Variants in ALDH1A2 observed in about 807,000 individuals in gnomAD.
ALDH1A2 encodes retinal dehydrogenase 2.
ALDH1A2 carries 27 observed loss-of-function variants against 60.3 expected under a neutral mutation model. That is an observed-to-expected ratio of 0.45 (90% CI 0.33 to 0.62). ALDH1A2 has a LOEUF of 0.62. ALDH1A2 is among the 20% of genes least tolerant of loss of function. The pLI is 0.02. For synonymous variants in ALDH1A2, 289 were observed against 232.4 expected (o/e 1.24, Z -2.21); for missense variants, 581 against 643.8 (o/e 0.90, Z 1.06).
chr15:58,014,181 T>C lies in ALDH1A2; in HGVS notation c.218A>G (p.Asp73Gly), dbSNP rs1448452625. The change falls in exon 2 of 13, where the codon GAC (aspartate) becomes GGC (glycine). Residue 73 changes from aspartate (D) to glycine (G), a missense_variant. Coordinates refer to ENST00000249750, the MANE Select transcript of ALDH1A2 (RefSeq NM_003888.4). ...TTTTATCTACAAAAGACATACCTTGTCTGCTTCTTGAACTTCACACACCTG... is the reference window on the plus strand; with the variant it reads ...TTTTATCTACAAAAGACATACCTTGCCTGCTTCTTGAACTTCACACACCTG... The part of the protein sequence containing the change: ...GEQVCEVQEA[D>G]KADIDKAVQA... 6.2e-7 allele frequency: 1 copy of C among 1,614,168 alleles called. No homozygotes were observed. Among genetic ancestry groups the C allele is most frequent in the Admixed American group, 1.7e-5 (1 of 60,030 alleles).
intron 3 of ALDH1A2, among the ~76,000 whole-genome samples, chr15:58,012,323 T>C (rs546230370): frequency 5.3e-5 from 8 of 152,266 alleles, no homozygotes; most frequent in Admixed American, 2.6e-4. Flanking sequence ...GTGCCCTCAT[T>C]TGCCATTTAT....
At chr15:57,988,958 G>A (rs1417326798) in intron 7 of ALDH1A2, among the ~76,000 whole-genome samples, 2 of 152,140 alleles carry the variant, frequency 1.3e-5, no homozygotes, top group Non-Finnish European at 2.9e-5. Context: ...CATGAGGTCA[G>A]GAGTTCAAGA....
chr15:58,044,690 T>A (rs1176542987), intron 1 of ALDH1A2, among the ~76,000 whole-genome samples: 1 of 151,938 alleles, frequency 6.6e-6, no homozygotes, highest in African/African-American at 2.4e-5. Context: ...AATCCTCAAA[T>A]AGAAAATTAT....
chr15:58,052,250 AACTAAAT>A (rs1331377906), intron 1 of ALDH1A2, among the ~76,000 whole-genome samples: 1 of 152,166 alleles, frequency 6.6e-6, no homozygotes, highest in Non-Finnish European at 1.5e-5. Context: ...AAAAGACCAC[AACTAAAT>A]ATGCAAGCAG....
intron 4 of ALDH1A2, among the ~76,000 whole-genome samples, chr15:58,001,745 T>C (rs1270560488): frequency 6.6e-6 from 1 of 151,920 alleles, no homozygotes; most frequent in African/African-American, 2.4e-5. Flanking sequence ...AAAAACAGTC[T>C]CCACCCAAAT....
intron 4 of ALDH1A2, among the ~76,000 whole-genome samples, 199 bp downstream of exon 4, chr15:58,010,450 G>A (rs1326952065): frequency 6.6e-6 from 1 of 152,054 alleles, no homozygotes; most frequent in Non-Finnish European, 1.5e-5. Flanking sequence ...GCATGCCCCT[G>A]TACTTATATA....
intron 1 of ALDH1A2, among the ~76,000 whole-genome samples, chr15:58,016,313 T>G (rs1383825635): frequency 1.3e-5 from 2 of 151,922 alleles, no homozygotes; most frequent in Non-Finnish European, 2.9e-5. Flanking sequence ...CCAGCTAATT[T>G]TTGTATTTTT....
chr15:57,996,972 A>T (rs757232519), intron 4 of ALDH1A2, among the ~76,000 whole-genome samples: 2 of 151,960 alleles, frequency 1.3e-5, no homozygotes, highest in African/African-American at 4.8e-5. Context: ...AGCTCTATGG[A>T]TATTAAGGAA....
At chr15:57,974,187 A>G (rs1001536635) in intron 7 of ALDH1A2, among the ~76,000 whole-genome samples, 2 of 152,164 alleles carry the variant, frequency 1.3e-5, no homozygotes, top group African/African-American at 4.8e-5. Flanking sequence ...CATGCCTGTA[A>G]CTTTGGGAGG....
chr15:58,030,525 G>C (rs544843085), intron 1 of ALDH1A2, among the ~76,000 whole-genome samples: 1 of 152,116 alleles, frequency 6.6e-6, no homozygotes, highest in Non-Finnish European at 1.5e-5. Flanking sequence ...GCATAGTATT[G>C]GAAGTTCTGG....
chr15:57,992,620 C>T, intron 7 of ALDH1A2, 85 bp downstream of exon 7: 1 of 1,262,106 alleles, frequency 7.9e-7, no homozygotes, highest in Non-Finnish European at 1.2e-6. Context: ...GGTGTCTAGC[C>T]TATGGGTACT....
At chr15:58,050,494 A>T (rs1025573998) in intron 1 of ALDH1A2, among the ~76,000 whole-genome samples, 2 of 152,162 alleles carry the variant, frequency 1.3e-5, no homozygotes, top group Non-Finnish European at 2.9e-5. Flanking sequence ...TTAATCTTCA[A>T]ATTTCACTAA....
intron 1 of ALDH1A2, among the ~76,000 whole-genome samples, chr15:58,047,592 A>G (rs1291265314): frequency 7.9e-5 from 12 of 152,170 alleles, no homozygotes; most frequent in Admixed American, 6.5e-4. Context: ...GGTGTCCTTT[A>G]AACATTATAA....
At chr15:58,028,095 T>A (rs773535431) in intron 1 of ALDH1A2, among the ~76,000 whole-genome samples, 1 of 151,766 alleles carries the variant, frequency 6.6e-6, no homozygotes, top group Non-Finnish European at 1.5e-5. Context: ...GACACATAAA[T>A]CGCCAGATTC....
At chr15:57,962,766 G>A (rs1229831858) in intron 9 of ALDH1A2, among the ~76,000 whole-genome samples, 1 of 151,982 alleles carries the variant, frequency 6.6e-6, no homozygotes, top group Non-Finnish European at 1.5e-5. Context: ...GCTTATTATG[G>A]TAAATAACAC....
chr15:58,058,028 G>A (rs1299798830), intron 1 of ALDH1A2: 3 of 1,512,826 alleles, frequency 2.0e-6, no homozygotes, highest in Non-Finnish European at 1.8e-6. Context: ...CAGTTTTATT[G>A]GGGATTTTAA....
intron 7 of ALDH1A2, among the ~76,000 whole-genome samples, chr15:57,966,984 G>A (rs1206932712): frequency 6.6e-6 from 1 of 152,148 alleles, no homozygotes; most frequent in Non-Finnish European, 1.5e-5. Flanking sequence ...TTGTTGAGAT[G>A]AAAAAATGTT....
intron 7 of ALDH1A2, among the ~76,000 whole-genome samples, chr15:57,989,588 T>G (rs1894824913): frequency 6.6e-6 from 1 of 152,206 alleles, no homozygotes; most frequent in South Asian, 2.1e-4. Flanking sequence ...AACAGAAATT[T>G]CCTGTATAGT....
At chr15:58,020,202 C>T (rs1358759916) in intron 1 of ALDH1A2, among the ~76,000 whole-genome samples, 2 of 152,084 alleles carry the variant, frequency 1.3e-5, no homozygotes, top group Non-Finnish European at 2.9e-5. Flanking sequence ...TGTATATGTA[C>T]CACATTTTCT....
Sources: allele counts gnomAD v4.1 joint callset (sites outside exome capture counted in the v4.1 genomes callset), GRCh38; gene constraint gnomAD v4.1.1; transcripts MANE v1.5; gene names NCBI Gene and HGNC (gene_info 2026-07-23, HGNC 2026-07-21).